The following SCOC variants were observed in gnomAD, a reference collection of about 807,000 sequenced individuals.
SCOC encodes short coiled-coil protein.
SCOC carries 7 observed loss-of-function variants against 9.9 expected under a neutral mutation model. The observed-to-expected ratio is 0.71, with a 90% CI of 0.40 to 1.33. The LOEUF is 1.33. SCOC is among the 40% of genes most tolerant of loss of function. SCOC has a pLI of 0.01. For synonymous variants in SCOC, 19 were observed against 28.2 expected (o/e 0.67, Z 1.03); for missense variants, 66 against 89.7 (o/e 0.74, Z 1.07).
chr4:140,259,658 A>ATG (rs1295150043), intron 1 of SCOC, among the ~76,000 whole-genome samples: 1 of 152,206 alleles, frequency 6.6e-6, no homozygotes, highest in Admixed American at 6.5e-5. Context: ...GCAATGAGCT[A>ATG]TGAGCACACC....
intron 2 of SCOC, among the ~76,000 whole-genome samples, chr4:140,347,369 C>T (rs946581690): frequency 8.5e-5 from 13 of 152,192 alleles, no homozygotes; most frequent in African/African-American, 3.1e-4. Context: ...GGCCCCACTT[C>T]TGGGACCTTA....
At chr4:140,287,371 G>A (rs1456959223) in intron 1 of SCOC, among the ~76,000 whole-genome samples, 4 of 149,654 alleles carry the variant, frequency 2.7e-5, no homozygotes, top group Admixed American at 6.6e-5. Context: ...CACAGATCAC[G>A]AACATGTAGA....
intron 1 of SCOC, chr4:140,376,315 G>C (rs554695192): frequency 3.8e-4 from 58 of 152,254 alleles, no homozygotes; most frequent in African/African-American, 1.3e-3. Flanking sequence ...TACAATAGTA[G>C]CATTTTGAGA....
At chr4:140,276,031 T>G (rs1730972414) in intron 1 of SCOC, among the ~76,000 whole-genome samples, 1 of 151,460 alleles carries the variant, frequency 6.6e-6, no homozygotes, top group Non-Finnish European at 1.5e-5. Context: ...TGAGACGGAG[T>G]CTCACGATGT....
chr4:140,366,839 C>A, intron 2 of SCOC: 1 of 829,844 alleles, frequency 1.2e-6, no homozygotes. Context: ...CGGCCAACCT[C>A]CACGAAGCGC....
At chr4:140,374,790 A>C (rs1728261607) in intron 1 of SCOC, among the ~76,000 whole-genome samples, 1 of 152,206 alleles carries the variant, frequency 6.6e-6, no homozygotes, top group Non-Finnish European at 1.5e-5. Context: ...ACCTGGGTTC[A>C]AATTCTTGGT....
chr4:140,301,891 G>A (rs1473935096), intron 1 of SCOC, among the ~76,000 whole-genome samples: 1 of 152,188 alleles, frequency 6.6e-6, no homozygotes, highest in African/African-American at 2.4e-5. Context: ...GAGTACGGTG[G>A]TACAATCTTG....
At chr4:140,354,195 GA>G (rs1426927631) in intron 2 of SCOC, among the ~76,000 whole-genome samples, 1 of 152,018 alleles carries the variant, frequency 6.6e-6, no homozygotes, top group Admixed American at 6.6e-5. Flanking sequence ...ATGTTTAGAA[GA>G]TTTTTTTTTT....
At chr4:140,342,773 G>A (rs1222773365), upstream of SCOC, among the ~76,000 whole-genome samples, 1 of 152,124 alleles carries the variant, frequency 6.6e-6, no homozygotes, top group African/African-American at 2.4e-5. Context: ...TAGGGCACCT[G>A]GATAAATAGT....
At chr4:140,320,365 G>GC (rs971762748) in intron 1 of SCOC, among the ~76,000 whole-genome samples, 46 of 152,280 alleles carry the variant, frequency 3.0e-4, no homozygotes, top group African/African-American at 1.1e-3. Context: ...GCAACCAGCA[G>GC]CCCTCGGGGC....
intron 2 of SCOC, among the ~76,000 whole-genome samples, chr4:140,364,417 G>A (rs989664899): frequency 6.6e-6 from 1 of 152,114 alleles, no homozygotes; most frequent in Admixed American, 6.5e-5. Flanking sequence ...AATCATTGAG[G>A]AGACAGAATA....
intron 2 of SCOC, among the ~76,000 whole-genome samples, chr4:140,362,273 C>CTTCTTCTT: frequency 3.4e-5 from 1 of 29,092 alleles, no homozygotes; most frequent in Admixed American, 3.4e-4. Flanking sequence ...ACAGGTGTGT[C>CTTCTTCTT]CTTACTTCTT....
chr4:140,374,228 T>C, intron 1 of SCOC: 1 of 453,198 alleles, frequency 2.2e-6, no homozygotes, highest in South Asian at 1.6e-5. Context: ...CCTGGGTTTG[T>C]TTCCTGATCG....
Position 140,384,838 on chromosome 4 carries a change from A to G in SCOC, c.*3734A>G, listed in dbSNP as rs979514055. 3.9e-5 allele frequency: 6 copies of G among 152,136 alleles called. No homozygotes were observed. The highest frequency in any genetic ancestry group is 1.4e-4 in the African/African-American group (6 of 41,428). 9.4% of individuals were successfully genotyped at this position (152,136 alleles called of 1,614,324 possible). ...AGGTTGAAATCCTAACCCCAATGTGATGCTTTTAGGAGGTGGGGCTTTTGG... is the reference window on the plus strand; with the variant it reads ...AGGTTGAAATCCTAACCCCAATGTGGTGCTTTTAGGAGGTGGGGCTTTTGG... On this transcript the variant is annotated 3_prime_UTR_variant, in exon 4 of 4. Coordinates refer to ENST00000608372, the MANE Select transcript of SCOC (RefSeq NM_001153484.2).
intron 2 of SCOC, among the ~76,000 whole-genome samples, chr4:140,359,870 C>T (rs1404404150): frequency 6.6e-6 from 1 of 152,198 alleles, no homozygotes; most frequent in Non-Finnish European, 1.5e-5. Context: ...GGACAGCATA[C>T]ATGCTCTTCC....
intron 1 of SCOC, among the ~76,000 whole-genome samples, chr4:140,326,448 GAAAACAAAACAAA>G (rs895621349): frequency 1.3e-5 from 2 of 152,162 alleles, no homozygotes; most frequent in Admixed American, 6.5e-5. Context: ...TAAAACAAAA[GAAAACAAAACAAA>G]AAAACAAAAC....
At chr4:140,264,425 A>G (rs932789084) in intron 1 of SCOC, among the ~76,000 whole-genome samples, 1 of 152,170 alleles carries the variant, frequency 6.6e-6, no homozygotes, top group Non-Finnish European at 1.5e-5. Flanking sequence ...CTTATGTGTG[A>G]CAGGGAAATA....
chr4:140,293,404 A>C (rs1198515006), intron 1 of SCOC: 9 of 456,756 alleles, frequency 2.0e-5, no homozygotes, highest in Non-Finnish European at 4.0e-5. Flanking sequence ...TTGGAGGTGT[A>C]AGCTATTTGT....
chr4:140,287,560 C>T (rs1731327378), intron 1 of SCOC, among the ~76,000 whole-genome samples: 1 of 151,990 alleles, frequency 6.6e-6, no homozygotes, highest in African/African-American at 2.4e-5. Flanking sequence ...TGTACACATG[C>T]CACACAGACC....
Sources: gnomAD v4.1 joint callset for allele counts (sites outside exome capture counted in the v4.1 genomes callset) on GRCh38, gnomAD v4.1.1 for gene constraint, MANE v1.5 for transcripts, NCBI Gene and HGNC (gene_info 2026-07-23, HGNC 2026-07-21) for gene names.